ZNF324B: variants seen among roughly 807,000 people sequenced by gnomAD.
The protein encoded by ZNF324B is zinc finger protein 324B.
In ZNF324B, 7 loss-of-function variants were observed where a neutral mutation model predicts 10.6. The ratio of observed to expected loss-of-function variants is 0.66; its 90% CI spans 0.38 to 1.24. The LOEUF is 1.24. Ranked by LOEUF, ZNF324B falls within the 50% of genes most tolerant of loss-of-function variation. ZNF324B has a pLI of 0.02. For synonymous variants in ZNF324B, 316 were observed against 321.0 expected, an observed-to-expected ratio of 0.98 and a Z score of 0.17; for missense variants, 640 against 764.7, an observed-to-expected ratio of 0.84 and a Z score of 1.92.
At chr19:58,427,497 T>C in the ZNF324B span, among the ~76,000 whole-genome samples, 12,757 of 62,356 alleles carry the variant, frequency 0.2, 1,297 homozygotes, top group Non-Finnish European at 0.23. Context: ...TTCCTTCCTT[T>C]CTTTCTTTTT....
In ZNF324B at chr19:58,455,080, C is replaced by T; in HGVS notation, c.239-103C>T. ...GCCTCACCTCTTCTTTTTCCCTAAGCTTTTGTCCCGGCTCCTGGGCTCCCC... is the reference window on the plus strand; with the variant it reads ...GCCTCACCTCTTCTTTTTCCCTAAGTTTTTGTCCCGGCTCCTGGGCTCCCC... On this transcript the variant is annotated intron_variant, in intron 3 of 3. Coordinates refer to ENST00000336614, the MANE Select transcript of ZNF324B (RefSeq NM_207395.3). This position sits in a 1 kb window ranked among gnomAD's most constrained non-coding sequence, Gnocchi z 7.0. The T allele has an allele frequency of 6.6e-7, 1 of 1,511,012 alleles. No homozygotes were observed. The highest frequency in any genetic ancestry group is 9.2e-7 in the Non-Finnish European group (1 of 1,090,804). The allele number at this position is 1,511,012 out of a possible 1,614,324, so 93.6% of individuals were successfully genotyped here.
Position 58,456,621 on chromosome 19 carries a change from A to G in ZNF324B, c.*42A>G. 1 of 1,586,744 alleles carries G rather than the reference A, an allele frequency of 6.3e-7. No individual in the cohort carries two copies. The highest frequency in any genetic ancestry group is 8.6e-7 in the Non-Finnish European group (1 of 1,165,258). ...CCAACCCTTTCTTGGCCTTCTGTGA[A>G]TCCCTTCCACAGCTAAAGGGTCCGA... On this transcript the variant is annotated 3_prime_UTR_variant, in exon 4 of 4. Transcript: ENST00000336614. The surrounding 1 kb of genome is among the most constrained non-coding windows in gnomAD (Gnocchi z 4.7).
In ZNF324B at chr19:58,455,498, C is replaced by T. The variant is rs752125158; in HGVS notation, c.554C>T (p.Pro185Leu). The change falls in exon 4 of 4, where the codon CCT (proline) becomes CTT (leucine). Residue 185 changes from proline (P) to leucine (L), a missense_variant. This residue lies in a region of ZNF324B where 345 missense variants were observed against 387.9 expected (regional missense o/e 0.89). Coordinates refer to ENST00000336614, the MANE Select transcript of ZNF324B (RefSeq NM_207395.3). This position sits in a 1 kb window ranked among gnomAD's most constrained non-coding sequence, Gnocchi z 7.0. ...AAGACCTTCACAGAGTACCGGGTGC[C>T]TGGGAGGCAGCCCAGGACGCCTGAG... ...REKTFTEYRV[P>L]GRQPRTPERQ... 6.2e-7 allele frequency: 1 copy of T among 1,614,074 alleles called. No homozygotes were observed. The highest frequency in any genetic ancestry group is 8.5e-7 in the Non-Finnish European group (1 of 1,179,976).
intron 1 of ZNF324B, chr19:58,452,695 T>C: frequency 1.0e-6 from 1 of 973,224 alleles, no homozygotes; most frequent in Non-Finnish European, 1.2e-6. Flanking sequence ...GGACCTGACG[T>C]TGTTGGTGTC....
chr19:58,423,876 A>C, the ZNF324B span, among the ~76,000 whole-genome samples: 1 of 152,124 alleles, frequency 6.6e-6, no homozygotes, highest in Non-Finnish European at 1.5e-5. Flanking sequence ...CTAGACCCCC[A>C]TCTCTCACCG....
chr19:58,434,227 C>A, the ZNF324B span: 35 of 1,614,074 alleles, frequency 2.2e-5, no homozygotes, highest in Middle Eastern at 1.6e-4. Flanking sequence ...ACCACATTGA[C>A]TGCACTCATA....
In ZNF324B at chr19:58,457,406, T is replaced by C. The variant is rs887012207; in HGVS notation, c.*827T>C. 8.5e-5 allele frequency: 13 copies of C among 152,494 alleles called. No individual in the cohort carries two copies. Among genetic ancestry groups the C allele is most frequent in the African/African-American group, 3.1e-4 (13 of 41,464 alleles). The allele number at this position is 152,494 out of a possible 1,614,324, so 9.4% of individuals were successfully genotyped here. On this transcript the variant is annotated 3_prime_UTR_variant, in exon 4 of 4. Coordinates refer to ENST00000336614, the MANE Select transcript of ZNF324B (RefSeq NM_207395.3). The stretch of plus-strand genomic sequence containing the variant: ...GGCCAAGGCCTGTCGCTCACTCATT[T>C]ACAAAAGTCGATGTGAGGAGGAGCC...
In ZNF324B at chr19:58,454,329, G is replaced by A. The variant is rs143965702; in HGVS notation, c.223G>A (p.Gly75Arg). 58 of 1,613,192 alleles carry A rather than the reference G, an allele frequency of 3.6e-5. No individual in the cohort carries two copies. The highest frequency in any genetic ancestry group is 3.1e-4 in the African/African-American group (23 of 74,884). The change falls in exon 3 of 4, where the codon GGG becomes AGG. Residue 75 changes from glycine (G) to arginine (R), a missense_variant. By Grantham distance (125) the Gly-to-Arg change is moderately radical (BLOSUM62 -2). This residue lies in a region of ZNF324B where 345 missense variants were observed against 387.9 expected (regional missense o/e 0.89). Transcript: ENST00000336614. ...KDMTLARNTY[G>R]RLNSGSWSLT... Reference sequence around the variant, plus strand: ...CATGACCCTGGCCAGGAACACCTACGGGAGGCTCAACTCTGGTGAGTGGGA... The same window carrying A: ...CATGACCCTGGCCAGGAACACCTACAGGAGGCTCAACTCTGGTGAGTGGGA...
the ZNF324B span, chr19:58,445,022 A>C: frequency 9.2e-6 from 2 of 218,438 alleles, no homozygotes; most frequent in Non-Finnish European, 1.8e-5. Context: ...CTAATGAAGG[A>C]CTCCTAAGTT....
At chr19:58,451,605 C>G (rs2052857000), upstream of ZNF324B, 3 of 516,908 alleles carry the variant, frequency 5.8e-6, no homozygotes, top group Non-Finnish European at 1.2e-5. Context: ...GGGGGCTGGA[C>G]TTCCGGCGTT....
intron 1 of ZNF324B, chr19:58,453,310 G>A (rs1007784076): frequency 7.0e-6 from 2 of 284,486 alleles, no homozygotes; most frequent in African/African-American, 4.5e-5. Context: ...CATGCCTGGG[G>A]GGTCCACAGC....
intron 3 of ZNF324B, chr19:58,454,744 G>C (rs776244668): frequency 2.5e-5 from 14 of 568,964 alleles, no homozygotes; most frequent in Non-Finnish European, 3.5e-5. Context: ...TGGTGCTAGG[G>C]GAGACGCAGT....
At chr19:58,451,577 T>A (rs1440233631), upstream of ZNF324B, 1 of 516,450 alleles carries the variant, frequency 1.9e-6, no homozygotes, top group Non-Finnish European at 3.9e-6. Flanking sequence ...GCGCGCGTAT[T>A]GGGGCAATGT....
chr19:58,435,486 C>T, the ZNF324B span: 11 of 340,350 alleles, frequency 3.2e-5, no homozygotes, highest in Non-Finnish European at 5.9e-5. Context: ...GATATATACA[C>T]AAATGGCCAA....
the ZNF324B span, chr19:58,437,091 T>A: frequency 2.8e-4 from 458 of 1,614,026 alleles, no homozygotes; most frequent in Non-Finnish European, 3.7e-4. Context: ...CACACTGTGG[T>A]ACAGGTGCCT....
intron 1 of ZNF324B, chr19:58,453,266 G>A (rs376491549): frequency 1.1e-4 from 27 of 237,734 alleles, no homozygotes; most frequent in East Asian, 1.0e-3. Flanking sequence ...GGAAATGTCA[G>A]GCAAGCGCAG....
upstream of ZNF324B, among the ~76,000 whole-genome samples, chr19:58,449,914 T>C (rs962669196): frequency 6.6e-6 from 1 of 152,136 alleles, no homozygotes; most frequent in Non-Finnish European, 1.5e-5. Flanking sequence ...CACGATTGGT[T>C]CTGAAATGTG....
At position 58,456,318 on chromosome 19, in the gene ZNF324B, T is replaced by C; in HGVS notation, c.1374T>C (p.Cys458=). 2 of 1,612,866 alleles carry C rather than the reference T, an allele frequency of 1.2e-6. No individual in the cohort carries two copies. The highest frequency in any genetic ancestry group is 1.7e-6 in the Non-Finnish European group (2 of 1,179,854). Residue 458 remains cysteine (C), a synonymous_variant, in exon 4 of 4, where the codon TGT becomes TGC. Transcript: ENST00000336614. This position sits in a 1 kb window ranked among gnomAD's most constrained non-coding sequence, Gnocchi z 4.7. ...AGCGGCCCTTCCGCTGCGTGGACTGTGGCAAGGGTTTCGCCAAGGGCGCCG... is the reference window on the plus strand; with the variant it reads ...AGCGGCCCTTCCGCTGCGTGGACTGCGGCAAGGGTTTCGCCAAGGGCGCCG... The part of the protein sequence containing the change: ...TGERPFRCVD[C]GKGFAKGAVL...
Position 58,456,261 on chromosome 19 carries a change from C to G in ZNF324B, c.1317C>G (p.Asn439Lys), listed in dbSNP as rs1336229601. 1 of 1,613,164 alleles carries G rather than the reference C, an allele frequency of 6.2e-7. No individual in the cohort carries two copies. The highest frequency in any genetic ancestry group is 2.2e-5 in the East Asian group (1 of 44,876). ...QCGRSFSRSS[N>K]LTQHQLLHTG... ...GCCGCTCCTTTAGCCGCAGCTCCAACCTCACCCAGCACCAGCTCCTGCACA... is the reference window on the plus strand; with the variant it reads ...GCCGCTCCTTTAGCCGCAGCTCCAAGCTCACCCAGCACCAGCTCCTGCACA... Residue 439 changes from asparagine to lysine, a missense_variant, in exon 4 of 4, where the codon AAC becomes AAG. By Grantham distance (94) the Asn-to-Lys change is moderately conservative (BLOSUM62 0). Transcript: ENST00000336614. The surrounding 1 kb of genome is among the most constrained non-coding windows in gnomAD (Gnocchi z 4.7).
Sources: gnomAD v4.1 joint callset for allele counts (sites outside exome capture counted in the v4.1 genomes callset) on GRCh38, gnomAD v4.1.1 for gene constraint, gnomAD v4.1.1 regional missense constraint, Gnocchi (gnomAD v3.1) non-coding constraint, MANE v1.5 for transcripts, NCBI Gene and HGNC (gene_info 2026-07-23, HGNC 2026-07-21) for gene names.